PLCB1: variants seen among roughly 807,000 people sequenced by gnomAD.
PLCB1 encodes phospholipase C beta 1.
PLCB1 carries 46 observed loss-of-function variants against 161.8 expected under a neutral mutation model. That is an observed-to-expected ratio of 0.28 (90% CI 0.22 to 0.36). PLCB1 has a LOEUF of 0.36. Ranked by LOEUF, PLCB1 falls within the 10% of genes least tolerant of loss-of-function variation. The pLI is 1.00. For missense variants in PLCB1, 1,016 were observed against 1,472.5 expected (o/e 0.69, Z 5.07); for synonymous variants, 517 against 503.7 (o/e 1.03, Z -0.35).
chr20:8,389,671 G>T (rs187663313), intron 3 of PLCB1, among the ~76,000 whole-genome samples: 1 of 152,108 alleles, frequency 6.6e-6, no homozygotes, highest in African/African-American at 2.4e-5. Context: ...GCAATAATGC[G>T]CCATCTTGTG....
intron 3 of PLCB1, among the ~76,000 whole-genome samples, chr20:8,466,509 A>G (rs1271815780): frequency 6.6e-6 from 1 of 152,102 alleles, no homozygotes; most frequent in Non-Finnish European, 1.5e-5. Context: ...TGTACAGGGA[A>G]TCTAGGCTGG....
Position 8,739,242 on chromosome 20 carries a change from TC to T in PLCB1, c.2209-17del. On this transcript the variant is annotated intron_variant, in intron 20 of 31. Coordinates refer to ENST00000338037, the MANE Select transcript of PLCB1 (RefSeq NM_015192.4). ...TTGTTCATTCTTATAACCAGGTGTGTCCTTAATGTCCTTTGTAGGTGGTTCT... is the reference window on the plus strand; with the variant it reads ...TTGTTCATTCTTATAACCAGGTGTGTCTTAATGTCCTTTGTAGGTGGTTCT... 7.2e-7 allele frequency: 1 copy of T among 1,386,100 alleles called. No homozygotes were observed. The highest frequency in any genetic ancestry group is 1.8e-4 in the Middle Eastern group (1 of 5,642). The allele number at this position is 1,386,100 out of a possible 1,614,324, so 85.9% of individuals were successfully genotyped here. A position where few individuals can be genotyped will look rare whatever the true frequency, so the allele number is the denominator to read the frequency against.
intron 3 of PLCB1, among the ~76,000 whole-genome samples, chr20:8,500,909 A>G (rs1376482982): frequency 2.6e-5 from 4 of 152,200 alleles, no homozygotes; most frequent in African/African-American, 9.7e-5. Flanking sequence ...CTTAAGTGAA[A>G]TCATAGCTAA....
At chr20:8,323,966 C>G (rs1454370194) in intron 2 of PLCB1, among the ~76,000 whole-genome samples, 2 of 151,732 alleles carry the variant, frequency 1.3e-5, no homozygotes, top group Admixed American at 1.3e-4. Flanking sequence ...ATATACTTAT[C>G]TAGAGGGAAG....
intron 3 of PLCB1, among the ~76,000 whole-genome samples, chr20:8,417,940 T>G (rs1979375744): frequency 6.6e-6 from 1 of 152,216 alleles, no homozygotes; most frequent in South Asian, 2.1e-4. Flanking sequence ...GTTGCTGATC[T>G]TGGGTCACCT....
intron 29 of PLCB1, among the ~76,000 whole-genome samples, 192 bp from the exon 30 acceptor site, chr20:8,789,326 C>T (rs1038366214): frequency 1.3e-5 from 2 of 152,140 alleles, no homozygotes; most frequent in Non-Finnish European, 2.9e-5. Flanking sequence ...CTTCAGTGAG[C>T]CATGATGGTG....
intron 3 of PLCB1, among the ~76,000 whole-genome samples, chr20:8,560,551 C>T (rs372866855): frequency 6.6e-6 from 1 of 152,124 alleles, no homozygotes; most frequent in East Asian, 1.9e-4. Flanking sequence ...TGTTGAAAAA[C>T]GTCTAGTGTT....
intron 31 of PLCB1, among the ~76,000 whole-genome samples, chr20:8,859,573 T>C (rs1987186147): frequency 6.6e-6 from 1 of 152,110 alleles, no homozygotes; most frequent in Non-Finnish European, 1.5e-5. Flanking sequence ...GAAAACCTTT[T>C]GGTTTTTTTT....
intron 2 of PLCB1, among the ~76,000 whole-genome samples, chr20:8,357,576 G>C (rs1182311903): frequency 6.6e-6 from 1 of 152,134 alleles, no homozygotes; most frequent in East Asian, 1.9e-4. Flanking sequence ...AGCACTCTGG[G>C]GGGGCCGAGC....
intron 2 of PLCB1, among the ~76,000 whole-genome samples, chr20:8,325,955 C>T (rs1985135808): frequency 6.6e-6 from 1 of 152,260 alleles, no homozygotes; most frequent in Non-Finnish European, 1.5e-5. Context: ...TTGTTGTTTC[C>T]AGGGAACAAA....
chr20:8,821,399 A>G (rs948303332), intron 31 of PLCB1, among the ~76,000 whole-genome samples: 2 of 145,504 alleles, frequency 1.4e-5, no homozygotes, highest in Non-Finnish European at 3.0e-5. Context: ...AATTGCTTGA[A>G]CCTGGGAGGC....
chr20:8,573,556 C>G (rs894579319), intron 3 of PLCB1, among the ~76,000 whole-genome samples: 33 of 152,154 alleles, frequency 2.2e-4, no homozygotes, highest in African/African-American at 7.2e-4. Context: ...GTTTGTCATG[C>G]TACTACCATC....
intron 31 of PLCB1, among the ~76,000 whole-genome samples, chr20:8,856,196 A>C (rs1987061831): frequency 6.6e-6 from 1 of 152,176 alleles, no homozygotes; most frequent in Non-Finnish European, 1.5e-5. Flanking sequence ...TATCATGCAT[A>C]TGTATTCCTA....
intron 12 of PLCB1, among the ~76,000 whole-genome samples, chr20:8,715,368 G>T (rs1324447813): frequency 2.0e-5 from 3 of 152,340 alleles, no homozygotes; most frequent in African/African-American, 7.2e-5. Flanking sequence ...ACGCCGCCTT[G>T]TAACAGTGGA....
intron 3 of PLCB1, among the ~76,000 whole-genome samples, chr20:8,554,079 A>C (rs1208513362): frequency 6.8e-6 from 1 of 146,682 alleles, no homozygotes; most frequent in African/African-American, 2.6e-5. Flanking sequence ...TGCTAAAATT[A>C]AGGAAAAAAA....
At position 8,571,968 on chromosome 20, in the gene PLCB1, ATC is replaced by A. The variant is rs1286904442; in HGVS notation, c.247-56318_247-56317del. Reference sequence around the variant, plus strand: ...ATAGAACACTTTTCTTTCTTCTGCAATCTCTCTCTTGACTGGTAATGGTATTT... The same window carrying A: ...ATAGAACACTTTTCTTTCTTCTGCAATCTCTCTTGACTGGTAATGGTATTT... On this transcript the variant is annotated intron_variant, in intron 3 of 31. Coordinates refer to ENST00000338037, the MANE Select transcript of PLCB1 (RefSeq NM_015192.4). Among the ~76,000 whole-genome samples the A allele has an allele frequency of 2.6e-5, 4 of 152,154 alleles. No individual in the cohort carries two copies. The South Asian group carries it at 6.2e-4, about 24-fold the overall frequency.
intron 4 of PLCB1, among the ~76,000 whole-genome samples, chr20:8,641,520 A>G (rs753379947): frequency 6.6e-6 from 1 of 152,218 alleles, no homozygotes; most frequent in Non-Finnish European, 1.5e-5. Flanking sequence ...GCTTTCCCAC[A>G]GGACTCCTAG....
chr20:8,749,451 T>C (rs374143335), intron 23 of PLCB1, among the ~76,000 whole-genome samples: 6 of 152,320 alleles, frequency 3.9e-5, no homozygotes, highest in African/African-American at 1.2e-4. Flanking sequence ...TGATTGACCA[T>C]AGTCCGTACC....
At chr20:8,517,221 G>A (rs1386448657) in intron 3 of PLCB1, among the ~76,000 whole-genome samples, 2 of 152,146 alleles carry the variant, frequency 1.3e-5, no homozygotes, top group Non-Finnish European at 2.9e-5. Flanking sequence ...GGCCTGCATG[G>A]TGAGCCTAGA....
Sources: allele counts gnomAD v4.1 joint callset (sites outside exome capture counted in the v4.1 genomes callset), GRCh38; gene constraint gnomAD v4.1.1; transcripts MANE v1.5; gene names NCBI Gene and HGNC (gene_info 2026-07-23, HGNC 2026-07-21).